Variants in AGBL1 observed in about 807,000 individuals in gnomAD.
AGBL1 encodes the protein cytosolic carboxypeptidase 4.
Under a neutral mutation model 118.9 loss-of-function variants are expected in AGBL1, and 130 were observed. The observed-to-expected ratio is 1.09, with a 90% CI of 0.95 to 1.26. The LOEUF is 1.26. AGBL1 is among the 50% of genes most tolerant of loss of function. The probability of loss-of-function intolerance (pLI) is 0.00; values close to 1 mark genes in which losing one functional copy is unlikely to be tolerated. For missense variants in AGBL1, 1,584 were observed against 1,298.1 expected, an observed-to-expected ratio of 1.22 and a Z score of -3.38; for synonymous variants, 555 against 478.9, an observed-to-expected ratio of 1.16 and a Z score of -2.08.
chr15:86,239,281 A>G (rs2078604350), intron 6 of AGBL1, among the ~76,000 whole-genome samples: 1 of 152,260 alleles, frequency 6.6e-6, no homozygotes, highest in African/African-American at 2.4e-5. Context: ...AATTTACTTT[A>G]TAGCCAAGTT....
intron 24 of AGBL1, among the ~76,000 whole-genome samples, chr15:87,021,126 C>T (rs2081660302): frequency 1.3e-5 from 2 of 152,136 alleles, no homozygotes; most frequent in Non-Finnish European, 2.9e-5. Context: ...GTAACCAAAA[C>T]AGCATGGTAC....
At chr15:86,543,822 T>C (rs1476621278) in intron 19 of AGBL1, among the ~76,000 whole-genome samples, 1 of 152,216 alleles carries the variant, frequency 6.6e-6, no homozygotes, top group Non-Finnish European at 1.5e-5. Context: ...ATCCATCTTA[T>C]TCATCTCCTT....
chr15:86,264,140 T>G (rs1285857848), intron 10 of AGBL1, 118 bp from the exon 11 acceptor site: 2 of 862,424 alleles, frequency 2.3e-6, no homozygotes, highest in African/African-American at 1.7e-5. Context: ...TGGAAAAAGC[T>G]TCCACATTCA....
chr15:86,115,240 G>A (rs1897680956), intron 1 of AGBL1, among the ~76,000 whole-genome samples: 1 of 152,188 alleles, frequency 6.6e-6, no homozygotes, highest in Admixed American at 6.5e-5. Flanking sequence ...GTACCATAAA[G>A]TCACAGTGGT....
At chr15:86,699,791 A>G (rs2086324344) in intron 22 of AGBL1, among the ~76,000 whole-genome samples, 1 of 152,040 alleles carries the variant, frequency 6.6e-6, no homozygotes, top group Non-Finnish European at 1.5e-5. Context: ...GTGTCTGCCA[A>G]GCTTCCCCTC....
At chr15:86,761,101 T>C (rs1416253092) in intron 22 of AGBL1, among the ~76,000 whole-genome samples, 1 of 152,086 alleles carries the variant, frequency 6.6e-6, no homozygotes, top group Non-Finnish European at 1.5e-5. Flanking sequence ...AGCCTCTTCC[T>C]TAGACAAGTA....
intron 15 of AGBL1, among the ~76,000 whole-genome samples, chr15:86,274,641 A>G (rs927752081): frequency 1.3e-5 from 2 of 152,168 alleles, no homozygotes; most frequent in African/African-American, 4.8e-5. Flanking sequence ...CTTAACTAAC[A>G]TATAAAAACC....
chr15:86,086,071 A>G (rs975794443), intron 1 of AGBL1, among the ~76,000 whole-genome samples: 2 of 152,362 alleles, frequency 1.3e-5, no homozygotes, highest in Middle Eastern at 3.4e-3. Context: ...TGCTGGTGAT[A>G]TGCTGAGGCA....
At chr15:86,381,608 C>T (rs1259499860) in intron 17 of AGBL1, among the ~76,000 whole-genome samples, 1 of 152,052 alleles carries the variant, frequency 6.6e-6, no homozygotes, top group Non-Finnish European at 1.5e-5. Context: ...AAATTAGGGC[C>T]AGACAGCATA....
chr15:86,122,063 G>A (rs924799795), intron 1 of AGBL1, among the ~76,000 whole-genome samples: 4 of 152,096 alleles, frequency 2.6e-5, no homozygotes, highest in East Asian at 1.9e-4. Flanking sequence ...ACACATTTGC[G>A]TTTGAATGTG....
At position 86,932,770 on chromosome 15, in the gene AGBL1, T is replaced by G. The variant is rs575880801; in HGVS notation, c.3222-55217T>G. The G allele has an allele frequency of 2.0e-5, 3 of 152,354 alleles. No individual in the cohort carries two copies. In the South Asian group the frequency reaches 6.2e-4, roughly 32 times the overall value. The allele number at this position is 152,354 out of a possible 1,614,324, so 9.4% of individuals were successfully genotyped here. On this transcript the variant is annotated intron_variant, in intron 23 of 24. Coordinates refer to the AGBL1 transcript ENST00000441037. ...TGAATGTTTTGCTGAAGGCAGAAAT[T>G]AACCTTTTATGGAAGTTTTGTCCCA...
intron 22 of AGBL1, among the ~76,000 whole-genome samples, chr15:86,839,049 A>G (rs1038084233): frequency 3.9e-5 from 6 of 151,900 alleles, no homozygotes; most frequent in African/African-American, 1.5e-4. Context: ...GAACCTACAC[A>G]TATGAGAAGC....
chr15:86,163,873 T>G (rs1047141909), intron 5 of AGBL1, among the ~76,000 whole-genome samples: 14 of 152,248 alleles, frequency 9.2e-5, no homozygotes, highest in East Asian at 3.8e-4. Flanking sequence ...ATTTGTTACC[T>G]TTTTTCCCCC....
chr15:86,753,586 C>T (rs974513874), intron 22 of AGBL1, among the ~76,000 whole-genome samples: 6 of 151,804 alleles, frequency 4.0e-5, no homozygotes, highest in East Asian at 1.9e-4. Context: ...TTAGTAGAGA[C>T]GGGGTTTCAC....
chr15:86,123,618 C>T (rs909646937), intron 1 of AGBL1, among the ~76,000 whole-genome samples: 1 of 152,180 alleles, frequency 6.6e-6, no homozygotes, highest in Non-Finnish European at 1.5e-5. Flanking sequence ...CAATAAATTG[C>T]CAATCAAAAA....
intron 15 of AGBL1, 48 bp downstream of exon 15, chr15:86,271,754 T>G: frequency 6.6e-7 from 1 of 1,515,968 alleles, no homozygotes; most frequent in Non-Finnish European, 9.2e-7. Context: ...TGTAATTTTC[T>G]CTCAATTTCC....
At chr15:86,823,708 G>A (rs918176918) in intron 22 of AGBL1, among the ~76,000 whole-genome samples, 3 of 152,130 alleles carry the variant, frequency 2.0e-5, no homozygotes, top group African/African-American at 7.2e-5. Context: ...ACTGGACAGG[G>A]TAGAATTTAT....
chr15:86,425,956 C>A (rs2081861574), intron 18 of AGBL1, among the ~76,000 whole-genome samples: 1 of 86,814 alleles, frequency 1.2e-5, no homozygotes, highest in Non-Finnish European at 1.9e-5. Context: ...GAGATAGAGA[C>A]ATAAAAATAA....
chr15:86,972,056 C>A (rs1011230489), intron 23 of AGBL1, among the ~76,000 whole-genome samples: 1 of 151,972 alleles, frequency 6.6e-6, no homozygotes, highest in Non-Finnish European at 1.5e-5. Context: ...AATTAAACCT[C>A]TTTCCTTTAT....
Sources: allele counts gnomAD v4.1 joint callset (sites outside exome capture counted in the v4.1 genomes callset), GRCh38; gene constraint gnomAD v4.1.1; transcripts MANE v1.5; gene names NCBI Gene and HGNC (gene_info 2026-07-23, HGNC 2026-07-21).